The following ESRRG variants were observed in gnomAD, a reference collection of about 807,000 sequenced individuals.
The protein encoded by ESRRG is estrogen-related receptor gamma.
In ESRRG, 13 loss-of-function variants were observed where a neutral mutation model predicts 44.0. The observed-to-expected ratio is 0.30, with a 90% CI of 0.19 to 0.47. ESRRG has a LOEUF of 0.47. Ranked by LOEUF, ESRRG falls within the 20% of genes least tolerant of loss-of-function variation. The pLI is 1.00. For synonymous variants in ESRRG, 215 were observed against 214.6 expected (o/e 1.00, Z -0.02); for missense variants, 395 against 580.6 (o/e 0.68, Z 3.29).
intron 3 of ESRRG, among the ~76,000 whole-genome samples, chr1:216,572,136 C>G (rs753666939): frequency 2.2e-4 from 34 of 152,180 alleles, no homozygotes; most frequent in Non-Finnish European, 3.7e-4. Context: ...GGATGATGAT[C>G]TTATTATTGG....
chr1:216,706,887 C>T (rs2082563165), intron 1 of ESRRG, among the ~76,000 whole-genome samples: 2 of 152,082 alleles, frequency 1.3e-5, no homozygotes, highest in South Asian at 2.1e-4. Flanking sequence ...ATAAATAAAA[C>T]TCCTAAATAA....
intron 2 of ESRRG, among the ~76,000 whole-genome samples, chr1:216,808,658 A>T (rs1421502466): frequency 6.6e-6 from 1 of 152,108 alleles, no homozygotes; most frequent in African/African-American, 2.4e-5. Context: ...TCCTGGGCTC[A>T]AGCTATCTGC....
intron 1 of ESRRG, among the ~76,000 whole-genome samples, chr1:216,705,719 G>A: frequency 6.6e-6 from 1 of 152,214 alleles, no homozygotes; most frequent in Non-Finnish European, 1.5e-5. Context: ...TCCTTCCCCT[G>A]TTACTCTTCT....
intron 2 of ESRRG, among the ~76,000 whole-genome samples, chr1:216,654,785 A>T (rs2070014035): frequency 6.6e-6 from 1 of 152,154 alleles, no homozygotes; most frequent in South Asian, 2.1e-4. Context: ...ATCATAAAGG[A>T]AATTATATGT....
At position 216,547,113 on chromosome 1, in the gene ESRRG, C is replaced by T. The variant is rs538737706; in HGVS notation, c.862+17106G>A. Among the ~76,000 whole-genome samples the T allele has an allele frequency of 1.2e-4, 18 of 152,122 alleles. No individual in the cohort carries two copies. In the South Asian group the frequency reaches 3.7e-3, roughly 32 times the overall value. On this transcript the variant is annotated intron_variant, in intron 5 of 6. Coordinates refer to ENST00000408911, the MANE Select transcript of ESRRG (RefSeq NM_001438.4). ...AGGCAAGTTGTTTGACTTCGTTAAA[C>T]TTCAATTTTCACAGTTATAGGAGAG...
intron 2 of ESRRG, among the ~76,000 whole-genome samples, chr1:216,925,705 C>T (rs1024598782): frequency 6.6e-6 from 1 of 151,526 alleles, no homozygotes. Context: ...AATTCCAGCA[C>T]TTTGGGAGGC....
At chr1:217,081,502 C>T (rs1199529947) in intron 1 of ESRRG, among the ~76,000 whole-genome samples, 3 of 152,148 alleles carry the variant, frequency 2.0e-5, no homozygotes, top group Non-Finnish European at 4.4e-5. Flanking sequence ...GCTGGGATCA[C>T]AGGTGTGAGC....
chr1:217,121,121 C>T (rs1320249845), intron 1 of ESRRG, among the ~76,000 whole-genome samples: 14 of 27,904 alleles, frequency 5.0e-4, no homozygotes, highest in African/African-American at 9.0e-4. Context: ...TTGAAGAATA[C>T]ACACACACAC....
intron 1 of ESRRG, among the ~76,000 whole-genome samples, chr1:216,977,279 A>G (rs2073118615): frequency 1.3e-5 from 2 of 151,558 alleles, no homozygotes; most frequent in African/African-American, 4.9e-5. Context: ...ACCTAATGGT[A>G]CCAGAAGGAA....
intron 5 of ESRRG, among the ~76,000 whole-genome samples, chr1:216,535,014 A>T (rs1315363420): frequency 1.3e-5 from 2 of 152,168 alleles, no homozygotes; most frequent in African/African-American, 2.4e-5. Flanking sequence ...AGCAGGATGC[A>T]TGGAGGCTGA....
chr1:216,948,171 A>G (rs61818594), intron 1 of ESRRG, among the ~76,000 whole-genome samples: 2,268 of 152,220 alleles, frequency 0.015, 37 homozygotes, highest in Non-Finnish European at 0.02. Flanking sequence ...CTGTAACTAA[A>G]CACTCTCTTT....
At chr1:216,749,313 C>G (rs531904925) in intron 2 of ESRRG, among the ~76,000 whole-genome samples, 4 of 151,994 alleles carry the variant, frequency 2.6e-5, no homozygotes, top group African/African-American at 4.8e-5. Flanking sequence ...AAGACCATAC[C>G]GACGGCACCT....
chr1:217,044,992 G>T (rs1358446428), intron 1 of ESRRG, among the ~76,000 whole-genome samples: 2 of 152,260 alleles, frequency 1.3e-5, no homozygotes, highest in African/African-American at 2.4e-5. Flanking sequence ...AAAGAGAAAT[G>T]AGCCCATTGT....
chr1:217,050,022 T>C (rs946025653), intron 1 of ESRRG, among the ~76,000 whole-genome samples: 5 of 152,334 alleles, frequency 3.3e-5, no homozygotes, highest in South Asian at 2.1e-4. Flanking sequence ...AGAAGATTTA[T>C]GGCATTATCC....
At chr1:216,575,701 C>T (rs1271058430) in intron 3 of ESRRG, among the ~76,000 whole-genome samples, 2 of 152,016 alleles carry the variant, frequency 1.3e-5, no homozygotes, top group Admixed American at 6.6e-5. Context: ...CGTTCTTAAG[C>T]ACTATGTTTA....
intron 1 of ESRRG, among the ~76,000 whole-genome samples, chr1:217,122,644 T>C (rs989837363): frequency 2.0e-5 from 3 of 149,164 alleles, no homozygotes; most frequent in Admixed American, 6.7e-5. Context: ...CCCTAGTCCA[T>C]GGCGGGAAAG....
At chr1:217,056,104 C>T (rs1558135211) in intron 1 of ESRRG, among the ~76,000 whole-genome samples, 5 of 152,008 alleles carry the variant, frequency 3.3e-5, no homozygotes, top group Admixed American at 2.6e-4. Context: ...TTTTGAGATC[C>T]TCCATGTTCT....
At chr1:217,080,327 AC>A (rs1434432174) in intron 1 of ESRRG, among the ~76,000 whole-genome samples, 1 of 152,146 alleles carries the variant, frequency 6.6e-6, no homozygotes, top group Non-Finnish European at 1.5e-5. Context: ...CAATTTTACT[AC>A]CCAAAATCGT....
At chr1:216,905,054 T>C (rs572359707) in intron 2 of ESRRG, among the ~76,000 whole-genome samples, 2 of 152,274 alleles carry the variant, frequency 1.3e-5, no homozygotes, top group African/African-American at 4.8e-5. Flanking sequence ...TTTTCCTTCA[T>C]ACTGTATGTA....
Sources: gnomAD v4.1 joint callset for allele counts (sites outside exome capture counted in the v4.1 genomes callset) on GRCh38, gnomAD v4.1.1 for gene constraint, MANE v1.5 for transcripts, NCBI Gene and HGNC (gene_info 2026-07-23, HGNC 2026-07-21) for gene names.